The following CCDC15 variants were observed in gnomAD, a reference collection of about 807,000 sequenced individuals.
CCDC15 encodes the protein coiled-coil domain containing 15.
CCDC15 carries 105 observed loss-of-function variants against 114.5 expected under a neutral mutation model. The observed-to-expected ratio is 0.92, with a 90% CI of 0.78 to 1.08. The LOEUF is 1.08. Among genes scored for constraint, CCDC15 ranks in the 50% least tolerant of loss-of-function variants. The pLI, the probability that CCDC15 is intolerant of heterozygous loss-of-function variation, is 0.00. For synonymous variants in CCDC15, 334 were observed against 377.8 expected, an observed-to-expected ratio of 0.88 and a Z score of 1.34; for missense variants, 1,105 against 1,093.6, an observed-to-expected ratio of 1.01 and a Z score of -0.15.
chr11:124,964,690 G>C (rs1947738231), intron 4 of CCDC15, among the ~76,000 whole-genome samples: 1 of 152,164 alleles, frequency 6.6e-6, no homozygotes, highest in South Asian at 2.1e-4. Flanking sequence ...GAGTAGGAGT[G>C]GTGAGAGAGG....
rs1486982365 is a variant in CCDC15 at position 124,987,967 on chromosome 11, C to T, written c.1741C>T (p.Gln581Ter). ...AGACCAAAATATTCTACCCATATGT[C>T]AGGACCAGGATTTTCTACCCAGAGA... ...PKDQNILPICQDQDFLPRDQG... is the reference protein window; with the variant it reads ...PKDQNILPIC The change falls in exon 8 of 16, where the codon CAG becomes TAG. Residue 581 changes from glutamine to a stop codon, truncating the protein, a stop_gained. Coordinates refer to ENST00000344762, the MANE Select transcript of CCDC15 (RefSeq NM_025004.3). LOFTEE classifies it high-confidence loss of function. 6 of 1,613,830 alleles carry T rather than the reference C, an allele frequency of 3.7e-6. No homozygotes were observed. In the South Asian group the frequency reaches 6.6e-5, roughly 18 times the overall value.
chr11:125,007,290 A>G (rs1385579236), intron 13 of CCDC15, among the ~76,000 whole-genome samples: 2 of 152,000 alleles, frequency 1.3e-5, no homozygotes, highest in Admixed American at 1.3e-4. Context: ...CCTCTATGGG[A>G]TCAGCTTTTT....
intron 4 of CCDC15, among the ~76,000 whole-genome samples, chr11:124,967,554 G>A (rs1366324350): frequency 6.6e-6 from 1 of 152,106 alleles, no homozygotes; most frequent in Non-Finnish European, 1.5e-5. Context: ...AAGGGTTTTA[G>A]CTTCCTTGCG....
At chr11:124,996,155 A>G (rs1210255943) in intron 11 of CCDC15, among the ~76,000 whole-genome samples, 3 of 151,998 alleles carry the variant, frequency 2.0e-5, no homozygotes, top group African/African-American at 7.2e-5. Context: ...TACGCTGCCA[A>G]ATAATCCAGC....
intron 8 of CCDC15, among the ~76,000 whole-genome samples, chr11:124,990,484 C>A (rs1184751325): frequency 6.6e-6 from 1 of 152,116 alleles, no homozygotes; most frequent in African/African-American, 2.4e-5. Context: ...TGCCACAAAC[C>A]TTCAGTTTGT....
At position 124,987,203 on chromosome 11, in the gene CCDC15, A is replaced by G. The variant is rs1342395682; in HGVS notation, c.977A>G (p.Gln326Arg). Residue 326 changes from glutamine to arginine, a missense_variant, in exon 8 of 16, where the codon CAG (glutamine) becomes CGG (arginine). Transcript: ENST00000344762. ...AAGCAGTTACATTTTGAGGGCCTTC[A>G]GGATATTCTGCCAGAAGCCCAGGAT... ...EQKQLHFEGLQDILPEAQDYF... is the reference protein window; with the variant it reads ...EQKQLHFEGLRDILPEAQDYF... 2.0e-6 allele frequency: 3 copies of G among 1,533,444 alleles called. No homozygotes were observed. The highest frequency in any genetic ancestry group is 2.2e-5 in the Admixed American group (1 of 44,746). The allele number at this position is 1,533,444 out of a possible 1,614,324, so 95.0% of individuals were successfully genotyped here. A position where few individuals can be genotyped will look rare whatever the true frequency, so the allele number is the denominator to read the frequency against.
chr11:125,026,990 T>G (rs1948707797), intron 13 of CCDC15, among the ~76,000 whole-genome samples: 3 of 152,204 alleles, frequency 2.0e-5, no homozygotes, highest in Admixed American at 6.6e-5. Flanking sequence ...ATACAATATT[T>G]GGTTTTCCAT....
intron 11 of CCDC15, among the ~76,000 whole-genome samples, chr11:125,002,535 A>C (rs114957624): frequency 2.2e-4 from 34 of 152,250 alleles, no homozygotes; most frequent in African/African-American, 7.5e-4. Flanking sequence ...ATTAGCTCTT[A>C]TATTTAGGCC....
chr11:125,035,329 G>T (rs746915765), intron 13 of CCDC15, among the ~76,000 whole-genome samples: 53 of 151,900 alleles, frequency 3.5e-4, no homozygotes, highest in Admixed American at 7.9e-4. Context: ...CCATCACAAT[G>T]ACCTTCTTTG....
At chr11:124,984,213 A>G (rs1296908103) in intron 6 of CCDC15, among the ~76,000 whole-genome samples, 1 of 152,144 alleles carries the variant, frequency 6.6e-6, no homozygotes. Flanking sequence ...GGATGAGTGC[A>G]TGCTGGAAAA....
chr11:124,988,312 A>G (rs1948211388), intron 8 of CCDC15, among the ~76,000 whole-genome samples, 178 bp downstream of exon 8: 1 of 152,258 alleles, frequency 6.6e-6, no homozygotes, highest in Non-Finnish European at 1.5e-5. Flanking sequence ...TTCCCAGTAC[A>G]TATAAAAGTT....
In CCDC15 at chr11:124,955,075, A is replaced by C. The variant is rs549494375; in HGVS notation, c.177+166A>C. Reference sequence around the variant, plus strand: ...GGATTATAGAACAAGTATTTGCCAAAACTTGACTGCAGCTTTAGTTGGCAT... The same window carrying C: ...GGATTATAGAACAAGTATTTGCCAACACTTGACTGCAGCTTTAGTTGGCAT... On this transcript the variant is annotated intron_variant, in intron 2 of 15. Coordinates refer to ENST00000344762, the MANE Select transcript of CCDC15 (RefSeq NM_025004.3). Among the ~76,000 whole-genome samples, 5 of 152,342 alleles carry C rather than the reference A, an allele frequency of 3.3e-5. No homozygotes were observed. In the South Asian group the frequency reaches 1.0e-3, roughly 32 times the overall value.
intron 11 of CCDC15, among the ~76,000 whole-genome samples, chr11:124,997,951 A>G (rs927286962): frequency 6.6e-6 from 1 of 152,184 alleles, no homozygotes; most frequent in Non-Finnish European, 1.5e-5. Context: ...TCATAAATAA[A>G]TAAATAAACA....
chr11:124,988,947 G>A (rs183207834), intron 8 of CCDC15, among the ~76,000 whole-genome samples: 1 of 152,076 alleles, frequency 6.6e-6, no homozygotes, highest in Non-Finnish European at 1.5e-5. Flanking sequence ...GTCCATGAGG[G>A]TTCGAATCAA....
At position 124,987,730 on chromosome 11, in the gene CCDC15, T is replaced by A. The variant is rs1948197292; in HGVS notation, c.1504T>A (p.Phe502Ile). 1 of 1,613,846 alleles carries A rather than the reference T, an allele frequency of 6.2e-7. No homozygotes were observed. Among genetic ancestry groups the A allele is most frequent in the East Asian group, 2.2e-5 (1 of 44,866 alleles). ...TCTGCCAAAATATCAGGACCAGAAT[T>A]TTCTACCTAAGGACCAGAATTTTTT... is the stretch of plus-strand genomic sequence containing the variant. ...DILPKYQDQN[F>I]LPKDQNFLSR... Residue 502 changes from phenylalanine to isoleucine, a missense_variant, in exon 8 of 16, where the codon TTT becomes ATT. Phe to Ile is a conservative substitution (Grantham distance 21, BLOSUM62 0). Coordinates refer to ENST00000344762, the MANE Select transcript of CCDC15 (RefSeq NM_025004.3).
chr11:125,016,852 T>C (rs939397841), intron 13 of CCDC15, among the ~76,000 whole-genome samples: 1 of 152,220 alleles, frequency 6.6e-6, no homozygotes, highest in Non-Finnish European at 1.5e-5. Flanking sequence ...GCTTTTCTGC[T>C]AAAGGCTTTT....
intron 13 of CCDC15, among the ~76,000 whole-genome samples, chr11:125,032,926 G>T (rs1260182392): frequency 6.6e-6 from 1 of 152,196 alleles, no homozygotes; most frequent in Admixed American, 6.5e-5. Flanking sequence ...CAGAGTCAGT[G>T]TCCAGTAGTC....
chr11:125,030,426 T>TA (rs1948730386), intron 13 of CCDC15, among the ~76,000 whole-genome samples: 1 of 152,190 alleles, frequency 6.6e-6, no homozygotes, highest in African/African-American at 2.4e-5. Flanking sequence ...TCTTCAGCTG[T>TA]AAAGTCAGAG....
chr11:124,968,920 G>A (rs1480604499), intron 4 of CCDC15, among the ~76,000 whole-genome samples: 1 of 151,952 alleles, frequency 6.6e-6, no homozygotes, highest in Non-Finnish European at 1.5e-5. Flanking sequence ...TGAAATTATT[G>A]CAACTATTTT....
Sources: gnomAD v4.1 joint callset for allele counts (sites outside exome capture counted in the v4.1 genomes callset) on GRCh38, gnomAD v4.1.1 for gene constraint, MANE v1.5 for transcripts, NCBI Gene and HGNC (gene_info 2026-07-23, HGNC 2026-07-21) for gene names.